The following VCAN variants were observed in gnomAD, a reference collection of about 807,000 sequenced individuals.
VCAN encodes versican.
A neutral mutation model predicts 245.5 loss-of-function variants in VCAN; 44 were observed. The observed-to-expected ratio is 0.18, with a 90% CI of 0.14 to 0.23. The LOEUF is 0.23. VCAN is among the 10% of genes least tolerant of loss of function. The pLI is 1.00. For missense variants in VCAN, 3,793 were observed against 4,057.9 expected, an observed-to-expected ratio of 0.93 and a Z score of 1.77; for synonymous variants, 1,413 against 1,437.0, an observed-to-expected ratio of 0.98 and a Z score of 0.38.
At chr5:83,475,841 T>C (rs146540991) in intron 1 of VCAN, among the ~76,000 whole-genome samples, 4 of 152,214 alleles carry the variant, frequency 2.6e-5, no homozygotes, top group African/African-American at 9.7e-5. Flanking sequence ...AGGATTTATG[T>C]CAGAATTCAA....
intron 7 of VCAN, among the ~76,000 whole-genome samples, chr5:83,532,355 G>A (rs1360123483): frequency 2.0e-5 from 3 of 151,988 alleles, no homozygotes; most frequent in African/African-American, 2.4e-5. Context: ...ACAAATATTT[G>A]GGTGATAGGG....
At position 83,537,095 on chromosome 5, in the gene VCAN, G is replaced by A. The variant is rs1746743205; in HGVS notation, c.4092G>A (p.Val1364=). The change falls in exon 8 of 15, where the codon GTG becomes GTA. Residue 1364 remains valine (V), a synonymous_variant. Coordinates refer to ENST00000265077, the MANE Select transcript of VCAN (RefSeq NM_004385.5). ...DEPCSEETDP[V]HDLMAEILPE... ...CTTGTAGTGAAGAAACAGATCCAGTGCATGATCTAATGGCTGAAATTTTAC... is the reference window on the plus strand; with the variant it reads ...CTTGTAGTGAAGAAACAGATCCAGTACATGATCTAATGGCTGAAATTTTAC... 6.2e-7 allele frequency: 1 copy of A among 1,613,672 alleles called. No individual in the cohort carries two copies. Among genetic ancestry groups the A allele is most frequent in the Non-Finnish European group, 8.5e-7 (1 of 1,179,858 alleles).
At chr5:83,503,204 A>G (rs1006163305) in intron 5 of VCAN, among the ~76,000 whole-genome samples, 2 of 152,086 alleles carry the variant, frequency 1.3e-5, no homozygotes, top group East Asian at 3.8e-4. Context: ...ACAGAAAAAC[A>G]AAAAAACGAT....
At chr5:83,531,477 AATC>A (rs985092333) in intron 7 of VCAN, 11 of 152,162 alleles carry the variant, frequency 7.2e-5, no homozygotes, top group African/African-American at 2.7e-4. Flanking sequence ...AATATAGTAT[AATC>A]ATCATTTTCA....
At chr5:83,574,800 A>G (rs1313921117) in intron 13 of VCAN, among the ~76,000 whole-genome samples, 2 of 152,218 alleles carry the variant, frequency 1.3e-5, no homozygotes, top group Non-Finnish European at 2.9e-5. Flanking sequence ...TTTACAAGAT[A>G]TAATAAAATA....
In VCAN at chr5:83,537,245, G is replaced by A. The variant is rs1209324038; in HGVS notation, c.4242G>A (p.Lys1414=). The change falls in exon 8 of 15, where the codon AAG becomes AAA. Residue 1414 remains lysine, a synonymous_variant. Coordinates refer to ENST00000265077, the MANE Select transcript of VCAN (RefSeq NM_004385.5). The part of the protein sequence containing the change: ...TTPSVQYING[K]HLVTTVPKDP... ...CATCTGTGCAGTACATAAATGGGAA[G>A]CATCTCGTTACCACTGTGCCCAAGG... 1 of 1,613,940 alleles carries A rather than the reference G, an allele frequency of 6.2e-7. No homozygotes were observed. Among genetic ancestry groups the A allele is most frequent in the Non-Finnish European group, 8.5e-7 (1 of 1,179,942 alleles).
chr5:83,517,653 C>T (rs1367046215), intron 6 of VCAN, among the ~76,000 whole-genome samples: 5 of 152,030 alleles, frequency 3.3e-5, no homozygotes, highest in Admixed American at 3.3e-4. Flanking sequence ...AATAGAACAA[C>T]GCTTCTTCCA....
Position 83,521,261 on chromosome 5 carries a change from G to A in VCAN, c.2955G>A (p.Val985=). ...LSVIPKTDWG[V]LVPSVPSEDE... Reference sequence around the variant, plus strand: ...TAATTCCCAAGACAGACTGGGGAGTGTTAGTACCTTCTGTTCCATCAGAAG... The same window carrying A: ...TAATTCCCAAGACAGACTGGGGAGTATTAGTACCTTCTGTTCCATCAGAAG... The change falls in exon 7 of 15, where the codon GTG becomes GTA. Residue 985 remains valine (V), a synonymous_variant. Coordinates refer to ENST00000265077, the MANE Select transcript of VCAN (RefSeq NM_004385.5). The A allele has an allele frequency of 1.2e-6, 2 of 1,614,154 alleles. No individual in the cohort carries two copies. Among genetic ancestry groups the A allele is most frequent in the Non-Finnish European group, 1.7e-6 (2 of 1,179,982 alleles).
At chr5:83,473,273 G>A (rs1352045485) in intron 1 of VCAN, among the ~76,000 whole-genome samples, 1 of 152,190 alleles carries the variant, frequency 6.6e-6, no homozygotes, top group African/African-American at 2.4e-5. Context: ...TTAGGCAGAG[G>A]AGAGCGGGGT....
rs1746016534 is a variant in VCAN at position 83,519,981 on chromosome 5, G to A, written c.1675G>A (p.Asp559Asn). Residue 559 changes from aspartate (D) to asparagine (N), a missense_variant, in exon 7 of 15, where the codon GAC becomes AAC. Physicochemically the swap from Asp to Asn is conservative, Grantham distance 23. This residue lies in a region of VCAN where 3,182 missense variants were observed against 3,250.3 expected (regional missense o/e 0.98). Transcript: ENST00000265077. ...GFTLGEEDDE[D>N]RTLTVGSDES... is the part of the protein sequence containing the mutation. ...CACCTTGGGAGAAGAGGATGATGAA[G>A]ACAGAACACTTACAGTTGGATCTGA... 1.9e-6 allele frequency: 3 copies of A among 1,613,928 alleles called. No homozygotes were observed. The highest frequency in any genetic ancestry group is 2.5e-6 in the Non-Finnish European group (3 of 1,179,978).
chr5:83,477,464 C>T (rs1337785315), intron 1 of VCAN, among the ~76,000 whole-genome samples: 2 of 152,038 alleles, frequency 1.3e-5, no homozygotes, highest in Admixed American at 6.6e-5. Context: ...GAATCAGTCT[C>T]TACCTGATTT....
rs1580049275 is a variant in VCAN, at chr5:83,541,270, A to G, written c.8267A>G (p.His2756Arg). ...RTQEEYEDKKHAGPSFQPEFS... is the reference protein window; with the variant it reads ...RTQEEYEDKKRAGPSFQPEFS... ...CAGGAGGAGTATGAAGACAAAAAAC[A>G]TGCTGGTCCTTCTTTTCAGCCAGAA... is the stretch of plus-strand genomic sequence containing the variant. Residue 2756 changes from histidine (H) to arginine (R), a missense_variant, in exon 8 of 15, where the codon CAT becomes CGT. Physicochemically the swap from His to Arg is conservative, Grantham distance 29. Transcript: ENST00000265077. 6.2e-7 allele frequency: 1 copy of G among 1,614,040 alleles called. No homozygotes were observed. The highest frequency in any genetic ancestry group is 8.5e-7 in the Non-Finnish European group (1 of 1,180,004).
At chr5:83,513,456 C>T (rs1294535475) in intron 6 of VCAN, among the ~76,000 whole-genome samples, 1 of 152,166 alleles carries the variant, frequency 6.6e-6, no homozygotes, top group East Asian at 1.9e-4. Flanking sequence ...CTGTGATGTT[C>T]TAGGTAGTCA....
chr5:83,540,736 T>C lies in VCAN; in HGVS notation c.7733T>C (p.Ile2578Thr). 6.2e-7 allele frequency: 1 copy of C among 1,613,966 alleles called. No individual in the cohort carries two copies. The highest frequency in any genetic ancestry group is 8.5e-7 in the Non-Finnish European group (1 of 1,179,944). The stretch of plus-strand genomic sequence containing the variant: ...CTGACATCGGATAAAAATACTATCA[T>C]AGATATTGATCATACTAAACCTGTG... ...PELTSDKNTI[I>T]DIDHTKPVYE... The change falls in exon 8 of 15, where the codon ATA becomes ACA. Residue 2578 changes from isoleucine to threonine, a missense_variant. Coordinates refer to ENST00000265077, the MANE Select transcript of VCAN (RefSeq NM_004385.5).
At chr5:83,508,938 G>T (rs1425013076) in intron 5 of VCAN, among the ~76,000 whole-genome samples, 2 of 152,150 alleles carry the variant, frequency 1.3e-5, no homozygotes, top group African/African-American at 2.4e-5. Context: ...ATTGCTGGAG[G>T]CAAGGAAGTT....
chr5:83,538,652 A>G lies in VCAN; in HGVS notation c.5649A>G (p.Thr1883=), dbSNP rs1746829283. ...HVETTFSTEP[T]GLVLSTVMDR... ...AAACTACATTCTCCACTGAGCCAAC[A>G]GGACTGGTTTTGAGTACAGTAATGG... Residue 1883 remains threonine, a synonymous_variant, in exon 8 of 15, where the codon ACA becomes ACG. Coordinates refer to ENST00000265077, the MANE Select transcript of VCAN (RefSeq NM_004385.5). The G allele has an allele frequency of 6.2e-7, 1 of 1,614,018 alleles. No homozygotes were observed.
At chr5:83,474,429 G>C (rs896639904) in intron 1 of VCAN, among the ~76,000 whole-genome samples, 6 of 152,220 alleles carry the variant, frequency 3.9e-5, no homozygotes, top group African/African-American at 1.4e-4. Flanking sequence ...TGACTGCAGA[G>C]GCGTGCCGGG....
chr5:83,512,577 A>G, intron 6 of VCAN, 181 bp downstream of exon 6: 3 of 803,188 alleles, frequency 3.7e-6, no homozygotes, highest in Non-Finnish European at 3.8e-6. Context: ...TTAAAACCAC[A>G]GGAATTTTGG....
chr5:83,520,317 G>C lies in VCAN; in HGVS notation c.2011G>C (p.Val671Leu). The change falls in exon 7 of 15, where the codon GTT (valine) becomes CTT (leucine). Residue 671 changes from valine to leucine, a missense_variant. By Grantham distance (32) the Val-to-Leu change is conservative. Coordinates refer to ENST00000265077, the MANE Select transcript of VCAN (RefSeq NM_004385.5). ...AATATTAGTAGAGGGAATTTCCACA[G>C]TTATTTATCCTTCTCTACAAACAGA... ...DKILVEGIST[V>L]IYPSLQTEMT... 1.2e-6 allele frequency: 2 copies of C among 1,613,768 alleles called. No homozygotes were observed. Among genetic ancestry groups the C allele is most frequent in the Non-Finnish European group, 1.7e-6 (2 of 1,179,930 alleles).
Sources: allele counts gnomAD v4.1 joint callset (sites outside exome capture counted in the v4.1 genomes callset), GRCh38; gene constraint gnomAD v4.1.1; regional missense constraint gnomAD v4.1.1; transcripts MANE v1.5; gene names NCBI Gene and HGNC (gene_info 2026-07-23, HGNC 2026-07-21).